Variants in ABCA1 observed in about 807,000 individuals in gnomAD.
ABCA1 encodes the protein phospholipid-transporting ATPase ABCA1.
ABCA1 carries 133 observed loss-of-function variants against 262.5 expected under a neutral mutation model. The observed-to-expected ratio is 0.51, with a 90% CI of 0.44 to 0.59. ABCA1 has a LOEUF of 0.59. Among genes scored for constraint, ABCA1 ranks in the 20% least tolerant of loss-of-function variants. The pLI, the probability that ABCA1 is intolerant of heterozygous loss-of-function variation, is 0.00. For missense variants in ABCA1, 2,452 were observed against 2,777.5 expected (o/e 0.88, Z 2.63); for synonymous variants, 1,022 against 1,043.5 (o/e 0.98, Z 0.40).
intron 27 of ABCA1, among the ~76,000 whole-genome samples, chr9:104,813,549 G>A (rs62566035): frequency 6.6e-6 from 1 of 152,172 alleles, no homozygotes; most frequent in African/African-American, 2.4e-5. Context: ...AAGTAGCTGG[G>A]ATGACAGGCA....
At position 104,791,022 on chromosome 9, in the gene ABCA1, C is replaced by A; in HGVS notation, c.5827G>T (p.Gly1943Trp). 1.2e-6 allele frequency: 2 copies of A among 1,612,800 alleles called. No individual in the cohort carries two copies. Among genetic ancestry groups the A allele is most frequent in the South Asian group, 1.1e-5 (1 of 91,046 alleles). The change falls in exon 44 of 50, where the codon GGG (glycine) becomes TGG (tryptophan). Residue 1943 changes from glycine to tryptophan, a missense_variant. By Grantham distance (184) the Gly-to-Trp change is radical. Coordinates refer to ENST00000374736, the MANE Select transcript of ABCA1 (RefSeq NM_005502.4). ...CCAGCCCCATTAACTCCCAGGAGCC[C>A]AAAGCACTGAAAAGGAAAGATTAAG... ...CVGIPPGECF[G>W]LLGVNGAGKS...
chr9:104,900,213 G>A lies in ABCA1; in HGVS notation c.66+3401C>T, dbSNP rs2575875. On this transcript the variant is annotated intron_variant, in intron 2 of 49. Coordinates refer to ENST00000374736, the MANE Select transcript of ABCA1 (RefSeq NM_005502.4). ...ACATAGCGTTTCTAGTCTTCCTGGC[G>A]GCAGCACACAGGCTTTATGTATGCT... Among the ~76,000 whole-genome samples, 69,132 of 151,952 alleles carry A rather than the reference G, an allele frequency of 0.45. 17,147 individuals are homozygous for A. Among genetic ancestry groups the A allele is most frequent in the African/African-American group, 0.66 (27,374 of 41,432 alleles).
At chr9:104,890,982 A>G (rs951259555) in intron 2 of ABCA1, among the ~76,000 whole-genome samples, 4 of 152,150 alleles carry the variant, frequency 2.6e-5, no homozygotes, top group African/African-American at 9.7e-5. Context: ...CAATATTGAG[A>G]CTATGCAGCA....
Position 104,796,158 on chromosome 9 carries a change from C to A in ABCA1, c.5277G>T (p.Val1759=). 6.2e-7 allele frequency: 1 copy of A among 1,614,122 alleles called. No individual in the cohort carries two copies. The highest frequency in any genetic ancestry group is 8.5e-7 in the Non-Finnish European group (1 of 1,180,038). Residue 1759 remains valine, a synonymous_variant, in exon 39 of 50, where the codon GTG becomes GTT. Transcript: ENST00000374736. ...ITPLMYPASF[V]FKIPSTAYVV... ...CATAGGCTGTGCTGGGGATCTTGAACACAAAGGAGGCTGGGTACATGAGAG... is the reference window on the plus strand; with the variant it reads ...CATAGGCTGTGCTGGGGATCTTGAAAACAAAGGAGGCTGGGTACATGAGAG...
chr9:104,816,317 C>T lies in ABCA1; in HGVS notation c.3564G>A (p.Arg1188=), dbSNP rs1301604086. The change falls in exon 25 of 50, where the codon AGG becomes AGA. Residue 1188 remains arginine, a synonymous_variant. Transcript: ENST00000374736. ...CCAGCCGGGCTTCAGACACATGCTT[C>T]CTGATGAGGTTGGAGATAGCAGAGA... ...IDVSAISNLI[R]KHVSEARLVE... The T allele has an allele frequency of 1.2e-6, 2 of 1,613,998 alleles. No homozygotes were observed. The highest frequency in any genetic ancestry group is 1.1e-5 in the South Asian group (1 of 91,062).
intron 5 of ABCA1, among the ~76,000 whole-genome samples, chr9:104,874,716 C>G (rs546094810): frequency 6.6e-6 from 1 of 152,262 alleles, no homozygotes; most frequent in African/African-American, 2.4e-5. Context: ...TGGTAAAACC[C>G]CATCTCTACT....
chr9:104,916,235 C>T (rs1196950955), intron 1 of ABCA1, among the ~76,000 whole-genome samples: 1 of 152,132 alleles, frequency 6.6e-6, no homozygotes, highest in African/African-American at 2.4e-5. Flanking sequence ...CCTTGATTCA[C>T]AGTTAATTTT....
At chr9:104,811,849 T>C (rs1380416296) in intron 28 of ABCA1, among the ~76,000 whole-genome samples, 2 of 152,204 alleles carry the variant, frequency 1.3e-5, no homozygotes, top group East Asian at 3.8e-4. Flanking sequence ...CCCAAGGTCA[T>C]ATAGCCAATA....
rs781476164 is a variant in ABCA1, at chr9:104,903,703, C to G, written c.-24G>C. ...ATGTTCCCTCAGCCAGCACCCCCAG[C>G]GTGTGGCTCGGGAGCCCTGGAAGGC... is the stretch of plus-strand genomic sequence containing the variant. On this transcript the variant is annotated 5_prime_UTR_variant, in exon 2 of 50. Coordinates refer to ENST00000374736, the MANE Select transcript of ABCA1 (RefSeq NM_005502.4). 6.4e-7 allele frequency: 1 copy of G among 1,566,458 alleles called. No individual in the cohort carries two copies. The highest frequency in any genetic ancestry group is 1.2e-5 in the South Asian group (1 of 85,250).
At chr9:104,844,071 T>C (rs1434867363) in intron 8 of ABCA1, among the ~76,000 whole-genome samples, 1 of 150,054 alleles carries the variant, frequency 6.7e-6, no homozygotes, top group Non-Finnish European at 1.5e-5. Flanking sequence ...TGAAAACAGC[T>C]GTAACCAAAC....
At chr9:104,838,497 G>A (rs1834036977) in intron 9 of ABCA1, among the ~76,000 whole-genome samples, 1 of 150,704 alleles carries the variant, frequency 6.6e-6, no homozygotes, top group Non-Finnish European at 1.5e-5. Flanking sequence ...GGCACCTGCA[G>A]TTCCAGCTAC....
intron 1 of ABCA1, among the ~76,000 whole-genome samples, chr9:104,917,743 G>C (rs907364447): frequency 1.3e-5 from 2 of 151,444 alleles, no homozygotes; most frequent in Non-Finnish European, 2.9e-5. Context: ...AACAGAGCAA[G>C]ACTCGTCTCA....
intron 20 of ABCA1, among the ~76,000 whole-genome samples, chr9:104,820,701 C>G (rs1832243378): frequency 6.6e-6 from 1 of 152,118 alleles, no homozygotes; most frequent in African/African-American, 2.4e-5. Context: ...GTCCATCATA[C>G]CAGGGCCCTG....
intron 18 of ABCA1, 147 bp downstream of exon 18, chr9:104,824,318 T>C: frequency 6.7e-7 from 1 of 1,490,490 alleles, no homozygotes; most frequent in Admixed American, 2.0e-5. Context: ...CATGGGAGGA[T>C]TTGGAAAGGG....
Position 104,795,312 on chromosome 9 carries a change from G to A in ABCA1, c.5382+741C>T, listed in dbSNP as rs4743761. Among the ~76,000 whole-genome samples the A allele has an allele frequency of 5.2e-3, 790 of 152,280 alleles. 18 individuals carry two copies. The highest frequency in any genetic ancestry group is 0.025 in the East Asian group (127 of 5,174). On this transcript the variant is annotated intron_variant, in intron 39 of 49. Transcript: ENST00000374736. The stretch of plus-strand genomic sequence containing the variant: ...GGAAAGGGTGTGGTGGGTATGGACA[G>A]GAAGAGTTGTGCAACTGTAAAAGGC...
chr9:104,920,419 T>C (rs1842082241), intron 1 of ABCA1, among the ~76,000 whole-genome samples: 1 of 152,224 alleles, frequency 6.6e-6, no homozygotes, highest in South Asian at 2.1e-4. Context: ...TTAATAACTG[T>C]CATTGTTATC....
intron 7 of ABCA1, among the ~76,000 whole-genome samples, chr9:104,846,913 T>C (rs1834945282): frequency 6.6e-6 from 1 of 152,218 alleles, no homozygotes; most frequent in South Asian, 2.1e-4. Context: ...TTTCTCTCTT[T>C]GGGTTCACTT....
chr9:104,801,973 T>A (rs1830375557), intron 34 of ABCA1, 81 bp downstream of exon 34: 1 of 1,262,028 alleles, frequency 7.9e-7, no homozygotes. Flanking sequence ...TGCCAGGTGA[T>A]CCGTTTAACC....
chr9:104,864,304 C>T (rs1366691152), intron 5 of ABCA1, among the ~76,000 whole-genome samples: 5 of 152,108 alleles, frequency 3.3e-5, no homozygotes, highest in Non-Finnish European at 4.4e-5. Context: ...CATCCCCAGG[C>T]CACACCCCAG....
Sources: gnomAD v4.1 joint callset for allele counts (sites outside exome capture counted in the v4.1 genomes callset) on GRCh38, gnomAD v4.1.1 for gene constraint, MANE v1.5 for transcripts, NCBI Gene and HGNC (gene_info 2026-07-23, HGNC 2026-07-21) for gene names.